ZNF609: variants seen among roughly 807,000 people sequenced by gnomAD.
The protein encoded by ZNF609 is zinc finger protein 609.
A neutral mutation model predicts 109.5 loss-of-function variants in ZNF609; 11 were observed. The ratio of observed to expected loss-of-function variants is 0.10; its 90% CI spans 0.06 to 0.17. The LOEUF (loss-of-function observed/expected upper bound fraction) is 0.17. ZNF609 is among the 10% of genes least tolerant of loss of function. The probability of loss-of-function intolerance (pLI) is 1.00; values close to 1 mark genes in which losing one functional copy is unlikely to be tolerated. For missense variants in ZNF609, 1,559 were observed against 1,772.4 expected (o/e 0.88, Z 2.16); for synonymous variants, 646 against 662.0 (o/e 0.98, Z 0.37).
rs1020821965 is a variant in ZNF609 at position 64,684,290 on chromosome 15, C to G, written c.*2604C>G. On this transcript the variant is annotated 3_prime_UTR_variant, in exon 10 of 10. Transcript: ENST00000326648. ...TCCCCATCCTATCCCACCCCACAAA[C>G]AAAGGCTGGAAAAATTTGCTACCAA... 3 of 152,516 alleles carry G rather than the reference C, an allele frequency of 2.0e-5. No individual in the cohort carries two copies. The highest frequency in any genetic ancestry group is 4.4e-5 in the Non-Finnish European group (3 of 68,314). The allele number at this position is 152,516 out of a possible 1,614,324, so 9.4% of individuals were successfully genotyped here. A position where few individuals can be genotyped will look rare whatever the true frequency, so the allele number is the denominator to read the frequency against.
chr15:64,623,117 C>T (rs948702299), intron 3 of ZNF609, 65 bp downstream of exon 3: 97 of 1,498,546 alleles, frequency 6.5e-5, no homozygotes, highest in Non-Finnish European at 8.4e-5. Context: ...CCACCAGGGA[C>T]TTATTGTTGT....
At chr15:64,633,216 C>T (rs775088737) in intron 3 of ZNF609, among the ~76,000 whole-genome samples, 2 of 151,764 alleles carry the variant, frequency 1.3e-5, no homozygotes, top group African/African-American at 2.4e-5. Flanking sequence ...GGCGTGATCA[C>T]AGCTCCCTGC....
chr15:64,479,266 A>G (rs1285848341), intron 1 of ZNF609, among the ~76,000 whole-genome samples: 1 of 140,552 alleles, frequency 7.1e-6, no homozygotes, highest in Admixed American at 7.2e-5. Context: ...AACAAAACCT[A>G]TATATTGTAC....
At chr15:64,650,442 AAAAT>A (rs1896399828) in intron 3 of ZNF609, among the ~76,000 whole-genome samples, 1 of 152,004 alleles carries the variant, frequency 6.6e-6, no homozygotes, top group African/African-American at 2.4e-5. Context: ...AATTGTAAAA[AAAAT>A]AGGTAAAGTA....
chr15:64,664,131 G>A (rs1189907108), intron 3 of ZNF609, among the ~76,000 whole-genome samples: 1 of 152,138 alleles, frequency 6.6e-6, no homozygotes, highest in Non-Finnish European at 1.5e-5. Context: ...GGGAGGCTGA[G>A]GCAGGAGTAT....
intron 2 of ZNF609, among the ~76,000 whole-genome samples, chr15:64,522,361 A>G (rs559370624): frequency 6.6e-6 from 1 of 152,346 alleles, no homozygotes; most frequent in Non-Finnish European, 1.5e-5. Context: ...TTATTGGTTC[A>G]GGACTGGCTT....
chr15:64,645,868 A>C (rs1260145855), intron 3 of ZNF609, among the ~76,000 whole-genome samples: 3 of 152,202 alleles, frequency 2.0e-5, no homozygotes, highest in African/African-American at 7.2e-5. Context: ...TGTTATCAAA[A>C]ATGTGGAAAA....
At chr15:64,598,800 T>C (rs900663397) in intron 2 of ZNF609, among the ~76,000 whole-genome samples, 9 of 141,382 alleles carry the variant, frequency 6.4e-5, no homozygotes, top group African/African-American at 2.3e-4. Context: ...TGTTATCTTC[T>C]TGATACAAAT....
chr15:64,545,458 C>A (rs983263756), intron 2 of ZNF609, among the ~76,000 whole-genome samples: 3 of 152,126 alleles, frequency 2.0e-5, no homozygotes, highest in African/African-American at 7.2e-5. Context: ...CTCAGCCACC[C>A]AAAGTGCTGG....
At chr15:64,569,955 C>T (rs1250256034) in intron 2 of ZNF609, among the ~76,000 whole-genome samples, 1 of 152,142 alleles carries the variant, frequency 6.6e-6, no homozygotes, top group African/African-American at 2.4e-5. Context: ...ATTGCTCTTG[C>T]ACTGTGTGCC....
chr15:64,670,887 A>C (rs1212511442), intron 4 of ZNF609, among the ~76,000 whole-genome samples: 1 of 149,380 alleles, frequency 6.7e-6, no homozygotes, highest in Non-Finnish European at 1.5e-5. Context: ...CTCAAAAAAA[A>C]AAAAAAAAAG....
intron 1 of ZNF609, among the ~76,000 whole-genome samples, chr15:64,464,543 GTC>G (rs889867029): frequency 6.6e-6 from 1 of 152,116 alleles, no homozygotes; most frequent in Admixed American, 6.5e-5. Context: ...TTTCTTTTCA[GTC>G]TCTTAATTCT....
In ZNF609 at chr15:64,622,808, C is replaced by T; in HGVS notation, c.748-19C>T. On this transcript the variant is annotated intron_variant, in intron 2 of 9. Coordinates refer to ENST00000326648, the MANE Select transcript of ZNF609 (RefSeq NM_015042.2). ...TGTTCTCCCTGCAACTCAGCTACTA[C>T]TTTTTCTTCCCTCCACAGATGGAGT... The T allele has an allele frequency of 6.2e-7, 1 of 1,609,666 alleles. No individual in the cohort carries two copies. Among genetic ancestry groups the T allele is most frequent in the Non-Finnish European group, 8.5e-7 (1 of 1,175,866 alleles).
chr15:64,622,068 C>CTT (rs1895885029), intron 2 of ZNF609, among the ~76,000 whole-genome samples: 1 of 152,144 alleles, frequency 6.6e-6, no homozygotes, highest in African/African-American at 2.4e-5. Flanking sequence ...TCAACAACAT[C>CTT]TTCAGACTGC....
intron 4 of ZNF609, chr15:64,671,373 A>G (rs1896728928): frequency 1.3e-5 from 2 of 152,128 alleles, no homozygotes; most frequent in Non-Finnish European, 2.9e-5. Context: ...TATTTTTAAA[A>G]TTAGGAAAAA....
intron 3 of ZNF609, among the ~76,000 whole-genome samples, chr15:64,668,673 G>A (rs1896683921): frequency 1.3e-5 from 2 of 152,152 alleles, no homozygotes. Flanking sequence ...TAAAATGCCA[G>A]CCAGGTGCGG....
chr15:64,604,365 C>CT (rs1268073533), intron 2 of ZNF609, among the ~76,000 whole-genome samples: 19 of 152,142 alleles, frequency 1.2e-4, no homozygotes, highest in Non-Finnish European at 2.6e-4. Flanking sequence ...GCCTTGATTT[C>CT]TTCAAGGTAT....
At chr15:64,485,366 T>C (rs1052421515) in intron 1 of ZNF609, among the ~76,000 whole-genome samples, 5 of 152,212 alleles carry the variant, frequency 3.3e-5, no homozygotes, top group Admixed American at 2.6e-4. Context: ...AGCTTAATGA[T>C]TGGGCTACTC....
intron 2 of ZNF609, among the ~76,000 whole-genome samples, chr15:64,581,051 A>G (rs1260277981): frequency 7.6e-6 from 1 of 131,918 alleles, no homozygotes; most frequent in Non-Finnish European, 1.5e-5. Context: ...GGGTCTCACC[A>G]TATTGCCCAG....
Sources: allele counts gnomAD v4.1 joint callset (sites outside exome capture counted in the v4.1 genomes callset), GRCh38; gene constraint gnomAD v4.1.1; transcripts MANE v1.5; gene names NCBI Gene and HGNC (gene_info 2026-07-23, HGNC 2026-07-21).